The following AKT3 variants were observed in gnomAD, a reference collection of about 807,000 sequenced individuals.
AKT3 encodes RAC-gamma serine/threonine-protein kinase.
AKT3 carries 15 observed loss-of-function variants against 65.3 expected under a neutral mutation model. The observed-to-expected ratio is 0.23, with a 90% CI of 0.15 to 0.35. AKT3 has a LOEUF of 0.35. Among genes scored for constraint, AKT3 ranks in the 10% least tolerant of loss-of-function variants. The pLI, the probability that AKT3 is intolerant of heterozygous loss-of-function variation, is 1.00. For synonymous variants in AKT3, 206 were observed against 183.8 expected, an observed-to-expected ratio of 1.12 and a Z score of -0.98; for missense variants, 243 against 576.5, an observed-to-expected ratio of 0.42 and a Z score of 5.92.
chr1:243,764,335 C>A (rs1188701571), intron 2 of AKT3, among the ~76,000 whole-genome samples: 2 of 151,882 alleles, frequency 1.3e-5, no homozygotes, highest in Non-Finnish European at 2.9e-5. Flanking sequence ...AGTCAAAATG[C>A]AAATAATGAA....
At chr1:243,603,705 C>A (rs1677185306) in intron 8 of AKT3, among the ~76,000 whole-genome samples, 1 of 152,110 alleles carries the variant, frequency 6.6e-6, no homozygotes, top group Admixed American at 6.6e-5. Context: ...ATAGCATGAT[C>A]TGCTTAAGAA....
intron 2 of AKT3, among the ~76,000 whole-genome samples, chr1:243,783,930 A>T (rs1691078948): frequency 6.6e-6 from 1 of 152,186 alleles, no homozygotes; most frequent in Non-Finnish European, 1.5e-5. Context: ...TTCATCCAAA[A>T]AATACCTGTT....
At chr1:243,831,690 A>G (rs1398540480) in intron 2 of AKT3, among the ~76,000 whole-genome samples, 2 of 152,184 alleles carry the variant, frequency 1.3e-5, no homozygotes, top group Non-Finnish European at 2.9e-5. Context: ...TCCACTGGGA[A>G]GTAGAGCAGT....
chr1:243,497,912 A>G (rs1390833956), downstream of AKT3, among the ~76,000 whole-genome samples: 1 of 152,048 alleles, frequency 6.6e-6, no homozygotes, highest in Non-Finnish European at 1.5e-5. Context: ...GAACTCCTGG[A>G]CTCAAGCGAT....
At chr1:243,815,302 T>C (rs1572397416) in intron 2 of AKT3, among the ~76,000 whole-genome samples, 1 of 152,210 alleles carries the variant, frequency 6.6e-6, no homozygotes, top group Non-Finnish European at 1.5e-5. Flanking sequence ...ACTTCATTCA[T>C]AGGTTACATT....
At chr1:243,633,272 G>A (rs969603233) in intron 6 of AKT3, among the ~76,000 whole-genome samples, 3 of 152,022 alleles carry the variant, frequency 2.0e-5, no homozygotes, top group African/African-American at 7.2e-5. Flanking sequence ...AACCCTTCAG[G>A]TTTAAATATA....
chr1:243,629,052 G>A (rs1679396240), intron 6 of AKT3, among the ~76,000 whole-genome samples: 1 of 152,140 alleles, frequency 6.6e-6, no homozygotes, highest in Non-Finnish European at 1.5e-5. Flanking sequence ...CGAGGCAGGT[G>A]GATCACCTGA....
At chr1:243,719,179 C>T (rs1363279984) in intron 2 of AKT3, among the ~76,000 whole-genome samples, 1 of 152,160 alleles carries the variant, frequency 6.6e-6, no homozygotes, top group Non-Finnish European at 1.5e-5. Flanking sequence ...TGGAATGTGG[C>T]AAAATTCCTT....
intron 9 of AKT3, 141 bp from the exon 10 acceptor site, chr1:243,563,989 A>G (rs1302577587): frequency 1.6e-5 from 10 of 628,202 alleles, no homozygotes; most frequent in Non-Finnish European, 2.5e-5. Context: ...CAGTACTTAC[A>G]AACTCTGTTG....
At chr1:243,537,023 C>T (rs940533077) in intron 12 of AKT3, among the ~76,000 whole-genome samples, 8 of 152,086 alleles carry the variant, frequency 5.3e-5, no homozygotes, top group Non-Finnish European at 7.4e-5. Context: ...CATCAATCAC[C>T]GAACTCTTCA....
At chr1:243,770,508 G>C (rs1481922837) in intron 2 of AKT3, among the ~76,000 whole-genome samples, 1 of 152,026 alleles carries the variant, frequency 6.6e-6, no homozygotes, top group African/African-American at 2.4e-5. Flanking sequence ...CAATGTGCCT[G>C]TCTGGGAGAA....
At chr1:243,658,572 A>C (rs988807216) in intron 4 of AKT3, among the ~76,000 whole-genome samples, 1 of 152,212 alleles carries the variant, frequency 6.6e-6, no homozygotes, top group Non-Finnish European at 1.5e-5. Flanking sequence ...ATTCTTCAAA[A>C]ACTTAAAAGT....
intron 3 of AKT3, among the ~76,000 whole-genome samples, chr1:243,688,754 G>C (rs767044736): frequency 2.0e-5 from 3 of 151,968 alleles, no homozygotes; most frequent in Non-Finnish European, 4.4e-5. Flanking sequence ...TTTGGAAACC[G>C]GATGTTCAAA....
chr1:243,774,788 A>C (rs1024558675), intron 2 of AKT3, among the ~76,000 whole-genome samples: 6 of 152,184 alleles, frequency 3.9e-5, no homozygotes, highest in Admixed American at 3.3e-4. Flanking sequence ...TCACATAAGG[A>C]AAAAACTCAA....
intron 8 of AKT3, among the ~76,000 whole-genome samples, chr1:243,581,353 G>GTA (rs1192932162): frequency 6.6e-6 from 1 of 152,146 alleles, no homozygotes; most frequent in Non-Finnish European, 1.5e-5. Context: ...AAGTATCAAG[G>GTA]TATACACTAA....
At chr1:243,655,405 T>G (rs944915182) in intron 4 of AKT3, among the ~76,000 whole-genome samples, 1 of 152,178 alleles carries the variant, frequency 6.6e-6, no homozygotes, top group Non-Finnish European at 1.5e-5. Context: ...AATTAATGTA[T>G]AGTTCTTTTA....
intron 12 of AKT3, among the ~76,000 whole-genome samples, chr1:243,531,690 A>G (rs1303777475): frequency 6.6e-6 from 1 of 152,176 alleles, no homozygotes; most frequent in Non-Finnish European, 1.5e-5. Flanking sequence ...AACTGCACTG[A>G]ATCTGTATTA....
At chr1:243,734,440 C>T (rs892041180) in intron 2 of AKT3, among the ~76,000 whole-genome samples, 2 of 152,124 alleles carry the variant, frequency 1.3e-5, no homozygotes, top group Admixed American at 6.5e-5. Context: ...AGTTTTTAGG[C>T]TACAAATCTG....
rs527253290 is a variant in AKT3 at position 243,584,664 on chromosome 1, C to T, written c.697-11616G>A. Among the ~76,000 whole-genome samples the T allele has an allele frequency of 5.1e-4, 77 of 151,734 alleles. 4 individuals carry two copies. In the South Asian group the frequency reaches 0.015, roughly 29 times the overall value. On this transcript the variant is annotated intron_variant, in intron 8 of 13. Transcript: ENST00000673466. ...ACAAATCAATAAATGTGATTCACCA[C>T]ATAAACCAAATTAGCTTTCAATGAA...
Sources: gnomAD v4.1 joint callset for allele counts (sites outside exome capture counted in the v4.1 genomes callset) on GRCh38, gnomAD v4.1.1 for gene constraint, MANE v1.5 for transcripts, NCBI Gene and HGNC (gene_info 2026-07-23, HGNC 2026-07-21) for gene names.